Variants in ATP6V1G1 observed in about 807,000 individuals in gnomAD.
ATP6V1G1 encodes the protein ATPase H+ transporting V1 subunit G1.
ATP6V1G1 carries 14 observed loss-of-function variants against 14.2 expected under a neutral mutation model. The observed-to-expected ratio is 0.99, with a 90% confidence interval of 0.65 to 1.55. The LOEUF (loss-of-function observed/expected upper bound fraction) is 1.55, where lower values mean the gene tolerates loss of function less well. ATP6V1G1 is among the 40% of genes most tolerant of loss of function. The probability of loss-of-function intolerance (pLI) is 0.00; values close to 1 mark genes in which losing one functional copy is unlikely to be tolerated. For missense variants in ATP6V1G1, 137 were observed against 146.4 expected (o/e 0.94, Z 0.33); for synonymous variants, 65 against 53.3 (o/e 1.22, Z -0.96).
chr9:114,589,124 C>A (rs1031704420), intron 1 of ATP6V1G1, among the ~76,000 whole-genome samples: 1 of 152,238 alleles, frequency 6.6e-6, no homozygotes, highest in Admixed American at 6.5e-5. Context: ...TTAGGAAACA[C>A]TTCTTCCCGG....
intron 1 of ATP6V1G1, among the ~76,000 whole-genome samples, chr9:114,590,949 C>T (rs1281763296): frequency 6.6e-6 from 1 of 152,098 alleles, no homozygotes; most frequent in East Asian, 1.9e-4. Context: ...GTGCCTGCCA[C>T]CATGCCCGGC....
intron 1 of ATP6V1G1, 74 bp downstream of exon 1, chr9:114,587,994 A>G (rs191032486): frequency 8.2e-5 from 123 of 1,494,848 alleles, no homozygotes; most frequent in Non-Finnish European, 1.1e-4. Flanking sequence ...TGGTGGGTAG[A>G]TTAGGCCCGA....
chr9:114,598,048 T>A lies in ATP6V1G1; in HGVS notation c.*305T>A. On this transcript the variant is annotated 3_prime_UTR_variant, in exon 3 of 3. Transcript: ENST00000374050. Reference sequence around the variant, plus strand: ...CAGTGTTGACTTTTTCTTTCTTAGATCTAGTTTAAAAAAAAAAAAAACCAC... The same window carrying A: ...CAGTGTTGACTTTTTCTTTCTTAGAACTAGTTTAAAAAAAAAAAAAACCAC... 1 of 148,374 alleles carries A rather than the reference T, an allele frequency of 6.7e-6. No individual in the cohort carries two copies. The highest frequency in any genetic ancestry group is 1.4e-5 in the Non-Finnish European group (1 of 73,686). 9.2% of individuals were successfully genotyped at this position (148,374 alleles called of 1,614,324 possible).
chr9:114,597,413 CAT>C (rs1845250855), intron 2 of ATP6V1G1, among the ~76,000 whole-genome samples, 155 bp from the exon 3 acceptor site: 1 of 152,192 alleles, frequency 6.6e-6, no homozygotes, highest in South Asian at 2.1e-4. Flanking sequence ...GAATACCTCA[CAT>C]GTGCTCCAGC....
intron 1 of ATP6V1G1, among the ~76,000 whole-genome samples, chr9:114,591,074 G>A (rs991990978): frequency 6.6e-6 from 1 of 152,192 alleles, no homozygotes; most frequent in Non-Finnish European, 1.5e-5. Context: ...GATTACAGGC[G>A]TGAGCCAGCG....
At position 114,597,693 on chromosome 9, in the gene ATP6V1G1, G is replaced by T. The variant is rs765027930; in HGVS notation, c.307G>T (p.Val103Phe). 6.3e-7 allele frequency: 1 copy of T among 1,589,954 alleles called. No homozygotes were observed. The highest frequency in any genetic ancestry group is 1.8e-5 in the Admixed American group (1 of 54,156). Reference protein sequence around the residue: ...DEVLDNLLAFVCDIRPEIHEN... With the variant: ...DEVLDNLLAFFCDIRPEIHEN... ...AGTCTTGGACAACCTCTTGGCTTTT[G>T]TCTGTGACATTCGGCCAGAAATCCA... The change falls in exon 3 of 3, where the codon GTC becomes TTC. Residue 103 changes from valine to phenylalanine, a missense_variant. Physicochemically the swap from Val to Phe is conservative, Grantham distance 50. Transcript: ENST00000374050.
chr9:114,592,257 A>C (rs995383245), intron 1 of ATP6V1G1, among the ~76,000 whole-genome samples: 1 of 152,152 alleles, frequency 6.6e-6, no homozygotes, highest in Non-Finnish European at 1.5e-5. Context: ...GTTGGTTCTT[A>C]ATAGTTGAGA....
At chr9:114,592,144 C>G (rs1304608439) in intron 1 of ATP6V1G1, among the ~76,000 whole-genome samples, 1 of 152,204 alleles carries the variant, frequency 6.6e-6, no homozygotes, top group African/African-American at 2.4e-5. Context: ...TATTAGCCTT[C>G]TTGCTAAGCA....
rs921594452 is a variant in ATP6V1G1, at chr9:114,597,490, A to C, written c.184-80A>C. On this transcript the variant is annotated intron_variant, in intron 2 of 2. Coordinates refer to ENST00000374050, the MANE Select transcript of ATP6V1G1 (RefSeq NM_004888.4). Reference sequence around the variant, plus strand: ...TGAGCCTGGGTTTCTCCAAAAGTCAACAAGTAGCTTACGAAATGTACCTGA... The same window carrying C: ...TGAGCCTGGGTTTCTCCAAAAGTCACCAAGTAGCTTACGAAATGTACCTGA... The C allele has an allele frequency of 1.0e-5, 14 of 1,372,578 alleles. 1 individual carries two copies. 85.0% of individuals were successfully genotyped at this position (1,372,578 alleles called of 1,614,324 possible).
In ATP6V1G1 at chr9:114,597,649, TC is replaced by T. The variant is rs1845253908; in HGVS notation, c.265del (p.Arg89GlyfsTer28). The T allele has an allele frequency of 1.9e-6, 3 of 1,590,672 alleles. No homozygotes were observed. The highest frequency in any genetic ancestry group is 2.3e-5 in the East Asian group (1 of 43,154). On this transcript the variant is annotated frameshift_variant, in exon 3 of 3. Coordinates refer to ENST00000374050, the MANE Select transcript of ATP6V1G1 (RefSeq NM_004888.4). LOFTEE classifies it high-confidence loss of function. Reference sequence around the variant, plus strand: ...AAGATGACCATCCTCCAGACATACTTCCGGCAGAACAGGGATGAAGTCTTGG... The same window carrying T: ...AAGATGACCATCCTCCAGACATACTTCGGCAGAACAGGGATGAAGTCTTGG... Reference protein sequence around the residue: ...QEKMTILQTYFRQNRDEVLDN... With the variant: ...QEKMTILQTYXRQNRDEVLDN...
In ATP6V1G1 at chr9:114,587,843, C is replaced by G; in HGVS notation, c.5C>G (p.Ala2Gly). The G allele has an allele frequency of 1.3e-6, 2 of 1,590,976 alleles. No homozygotes were observed. The highest frequency in any genetic ancestry group is 1.7e-6 in the Non-Finnish European group (2 of 1,169,072). M[A>G]SQSQGIQQLL... ...GCTCTCAGAATCGCTGCCGCCATGG[C>G]TAGTCAGTCTCAGGGGATTCAGCAG... is the stretch of plus-strand genomic sequence containing the variant. The change falls in exon 1 of 3, where the codon GCT (alanine) becomes GGT (glycine). Residue 2 changes from alanine to glycine, a missense_variant. Physicochemically the swap from Ala to Gly is moderately conservative, Grantham distance 60 (BLOSUM62 0). Transcript: ENST00000374050.
chr9:114,588,986 C>T (rs560188338), intron 1 of ATP6V1G1, among the ~76,000 whole-genome samples: 61 of 152,270 alleles, frequency 4.0e-4, no homozygotes, highest in Non-Finnish European at 2.2e-4. Flanking sequence ...TCGTTGTGGT[C>T]CCTCAGAAGC....
intron 1 of ATP6V1G1, among the ~76,000 whole-genome samples, chr9:114,592,128 C>T (rs775126051): frequency 7.2e-5 from 11 of 152,154 alleles, no homozygotes; most frequent in South Asian, 4.1e-4. Context: ...CTGTCCCTTG[C>T]GAGCTTATTA....
At chr9:114,588,266 C>A in intron 1 of ATP6V1G1, 1 of 278,094 alleles carries the variant, frequency 3.6e-6, no homozygotes, top group South Asian at 7.7e-5. Flanking sequence ...AGCCAGCATC[C>A]ACACAGTTGC....
rs1367483623 is a variant in ATP6V1G1, at chr9:114,587,833, G to A, written c.-6G>A. 7 of 1,584,908 alleles carry A rather than the reference G, an allele frequency of 4.4e-6. No individual in the cohort carries two copies. Among genetic ancestry groups the A allele is most frequent in the Non-Finnish European group, 6.0e-6 (7 of 1,165,614 alleles). ...CGCTTGCCTTGCTCTCAGAATCGCT[G>A]CCGCCATGGCTAGTCAGTCTCAGGG... On this transcript the variant is annotated 5_prime_UTR_variant, in exon 1 of 3. Coordinates refer to ENST00000374050, the MANE Select transcript of ATP6V1G1 (RefSeq NM_004888.4).
intron 1 of ATP6V1G1, among the ~76,000 whole-genome samples, chr9:114,589,236 G>A (rs938984139): frequency 2.6e-5 from 4 of 152,154 alleles, no homozygotes; most frequent in Non-Finnish European, 1.5e-5. Flanking sequence ...TGTTTATATG[G>A]CTCAGTCACT....
At chr9:114,594,854 T>C (rs1217374461) in intron 2 of ATP6V1G1, among the ~76,000 whole-genome samples, 1 of 106,944 alleles carries the variant, frequency 9.4e-6, no homozygotes. Context: ...TTTTCTTTTC[T>C]TTTTTTCTTT....
intron 2 of ATP6V1G1, among the ~76,000 whole-genome samples, chr9:114,596,457 C>A (rs1467537527): frequency 6.6e-6 from 1 of 151,560 alleles, no homozygotes; most frequent in African/African-American, 2.4e-5. Context: ...GACCTGCAGT[C>A]CTCCTCAGAG....
chr9:114,593,094 C>T (rs1015051019), intron 2 of ATP6V1G1, among the ~76,000 whole-genome samples: 2 of 152,048 alleles, frequency 1.3e-5, no homozygotes, highest in African/African-American at 4.8e-5. Context: ...GTATATAGTA[C>T]AGACATTTAC....
Sources: allele counts gnomAD v4.1 joint callset (sites outside exome capture counted in the v4.1 genomes callset), GRCh38; gene constraint gnomAD v4.1.1; transcripts MANE v1.5; gene names NCBI Gene and HGNC (gene_info 2026-07-23, HGNC 2026-07-21).